The following RYR2 variants were observed in gnomAD, a reference collection of about 807,000 sequenced individuals.
The protein encoded by RYR2 is cardiac muscle ryanodine receptor-calcium release channel.
Under a neutral mutation model 601.1 loss-of-function variants are expected in RYR2, and 227 were observed. The ratio of observed to expected loss-of-function variants is 0.38; its 90% CI spans 0.34 to 0.42. The LOEUF is 0.42. RYR2 is among the 10% of genes least tolerant of loss of function. The probability of loss-of-function intolerance (pLI) is 1.00; values close to 1 mark genes in which losing one functional copy is unlikely to be tolerated. For missense variants in RYR2, 4,646 were observed against 6,156.5 expected, an observed-to-expected ratio of 0.75 and a Z score of 8.21; for synonymous variants, 2,223 against 2,175.1, an observed-to-expected ratio of 1.02 and a Z score of -0.61.
chr1:237,591,710 C>T (rs763231828), intron 31 of RYR2, 29 bp from the exon 32 acceptor site: 12 of 1,537,850 alleles, frequency 7.8e-6, no homozygotes, highest in Admixed American at 1.7e-5. Flanking sequence ...TTTAATGTTG[C>T]TTATTGTTAG....
chr1:237,693,656 T>C (rs753675276), intron 63 of RYR2, among the ~76,000 whole-genome samples: 41 of 152,236 alleles, frequency 2.7e-4, no homozygotes, highest in Admixed American at 9.2e-4. Flanking sequence ...TATTATGTGT[T>C]TAACATGAAA....
At chr1:237,605,811 T>A (rs957611363) in intron 35 of RYR2, among the ~76,000 whole-genome samples, 12 of 152,158 alleles carry the variant, frequency 7.9e-5, no homozygotes, top group African/African-American at 2.9e-4. Flanking sequence ...TGAACTCCCA[T>A]TCACAATTGC....
intron 88 of RYR2, among the ~76,000 whole-genome samples, chr1:237,780,248 G>A (rs1161598578): frequency 2.6e-5 from 4 of 152,168 alleles, no homozygotes; most frequent in African/African-American, 4.8e-5. Flanking sequence ...AGTTATTGGT[G>A]ACTTCAGCCC....
rs149832529 is a variant in RYR2, at chr1:237,288,186, G to A, written c.168+17570G>A. On this transcript the variant is annotated intron_variant, in intron 2 of 104. Coordinates refer to ENST00000366574, the MANE Select transcript of RYR2 (RefSeq NM_001035.3). ...AACCTTCTATGAGTCTCTCAGCTGT[G>A]GATACAAGTGTCTGTCCTGGTGCAG... Among the ~76,000 whole-genome samples the A allele has an allele frequency of 5.1e-3, 782 of 152,316 alleles. 7 individuals carry two copies. Among genetic ancestry groups the A allele is most frequent in the African/African-American group, 0.018 (747 of 41,554 alleles).
chr1:237,599,199 T>C (rs1052479156), intron 34 of RYR2, among the ~76,000 whole-genome samples: 2 of 152,134 alleles, frequency 1.3e-5, no homozygotes, highest in East Asian at 1.9e-4. Context: ...AGCTTTTTTT[T>C]CTAAGGTCTG....
chr1:237,052,531 G>T (rs1246375764), intron 1 of RYR2, among the ~76,000 whole-genome samples: 1 of 152,166 alleles, frequency 6.6e-6, no homozygotes, highest in Non-Finnish European at 1.5e-5. Flanking sequence ...AATCTCTTTT[G>T]TAGCGTTTCA....
In RYR2 at chr1:237,826,307, G is replaced by A. The variant is rs117911384; in HGVS notation, c.14591-2074G>A. 4.4e-3 allele frequency among the ~76,000 whole-genome samples: 666 copies of A among 152,166 alleles called. 8 individuals are homozygous for A. In the East Asian group the frequency reaches 0.055, roughly 13 times the overall value. On this transcript the variant is annotated intron_variant, in intron 101 of 104. Transcript: ENST00000366574. Reference sequence around the variant, plus strand: ...TAGACTAGATTTTAAAAAGTGCCACGTATGTACCATGGAATACTATGCAGC... The same window carrying A: ...TAGACTAGATTTTAAAAAGTGCCACATATGTACCATGGAATACTATGCAGC...
intron 11 of RYR2, among the ~76,000 whole-genome samples, chr1:237,418,810 T>C (rs1705268437): frequency 1.3e-5 from 2 of 152,046 alleles, no homozygotes; most frequent in African/African-American, 4.8e-5. Context: ...TAATAACTAA[T>C]TGAAAACATT....
chr1:237,172,677 G>A (rs1333600304), intron 1 of RYR2, among the ~76,000 whole-genome samples: 4 of 152,188 alleles, frequency 2.6e-5, no homozygotes, highest in African/African-American at 9.7e-5. Context: ...GGCAAAACCG[G>A]AGTTTTATTG....
At chr1:237,481,650 T>C (rs1345753287) in intron 17 of RYR2, among the ~76,000 whole-genome samples, 2 of 152,104 alleles carry the variant, frequency 1.3e-5, no homozygotes, top group African/African-American at 4.8e-5. Context: ...ATGCAATGCG[T>C]AAGTTATCAC....
chr1:237,444,483 G>A (rs896998777), intron 13 of RYR2, among the ~76,000 whole-genome samples: 1 of 152,052 alleles, frequency 6.6e-6, no homozygotes, highest in Non-Finnish European at 1.5e-5. Flanking sequence ...ATTTAGTTCA[G>A]TACACCTGGG....
chr1:237,737,403 C>T (rs753069350), intron 79 of RYR2, among the ~76,000 whole-genome samples: 5 of 152,172 alleles, frequency 3.3e-5, no homozygotes, highest in South Asian at 2.1e-4. Flanking sequence ...TAATCAAACA[C>T]GGTATTCCAG....
At chr1:237,044,369 T>A (rs528064815) in intron 1 of RYR2, among the ~76,000 whole-genome samples, 1 of 152,278 alleles carries the variant, frequency 6.6e-6, no homozygotes, top group Non-Finnish European at 1.5e-5. Flanking sequence ...CCTGCGGGCT[T>A]AACTGTTAAG....
At chr1:237,361,028 A>G (rs7545768) in intron 4 of RYR2, among the ~76,000 whole-genome samples, 55,063 of 151,910 alleles carry the variant, frequency 0.36, 10,346 homozygotes, top group East Asian at 0.44. Context: ...TTTTGTAGAG[A>G]CAGTGTCTCA....
At chr1:237,791,943 T>C (rs1658424632) in intron 93 of RYR2, 162 bp from the exon 94 acceptor site, 1 of 619,660 alleles carries the variant, frequency 1.6e-6, no homozygotes, top group African/African-American at 1.8e-5. Context: ...TTGCCTTTGG[T>C]TTTTGAAAAG....
chr1:237,770,987 A>G, intron 85 of RYR2, 100 bp downstream of exon 85: 2 of 633,808 alleles, frequency 3.2e-6, no homozygotes, highest in East Asian at 3.0e-5. Context: ...GCATCGTTCT[A>G]GAGACAACAA....
Position 237,517,554 on chromosome 1 carries a change from G to A in RYR2, c.2822+5763G>A, listed in dbSNP as rs1489339221. 2.6e-5 allele frequency among the ~76,000 whole-genome samples: 4 copies of A among 151,970 alleles called. No homozygotes were observed. The East Asian group carries it at 7.7e-4, about 29-fold the overall frequency. Reference sequence around the variant, plus strand: ...AGGAAAGTTTATGAATTTGTGTTGGGCCACATTCAAAGCCATCCTGGGCTG... The same window carrying A: ...AGGAAAGTTTATGAATTTGTGTTGGACCACATTCAAAGCCATCCTGGGCTG... On this transcript the variant is annotated intron_variant, in intron 24 of 104. Transcript: ENST00000366574.
At chr1:237,208,694 T>C (rs1432605179) in intron 1 of RYR2, among the ~76,000 whole-genome samples, 1 of 151,878 alleles carries the variant, frequency 6.6e-6, no homozygotes, top group Non-Finnish European at 1.5e-5. Context: ...CTCACAGAGT[T>C]ACCTTTTTTC....
At position 237,661,174 on chromosome 1, in the gene RYR2, T is replaced by C. The variant is rs559344; in HGVS notation, c.8436+227T>C. On this transcript the variant is annotated intron_variant, in intron 56 of 104. Transcript: ENST00000366574. Reference sequence around the variant, plus strand: ...TACAAGCCTTCCTTTTCCTGGCTAGTATAGAAGAAGTAACCAGTTGTAGGA... The same window carrying C: ...TACAAGCCTTCCTTTTCCTGGCTAGCATAGAAGAAGTAACCAGTTGTAGGA... Among the ~76,000 whole-genome samples the C allele has an allele frequency of 0.15, 22,693 of 152,030 alleles. 2,350 individuals are homozygous for C. Among genetic ancestry groups the C allele is most frequent in the East Asian group, 0.42 (2,184 of 5,158 alleles).
Sources: allele counts gnomAD v4.1 joint callset (sites outside exome capture counted in the v4.1 genomes callset), GRCh38; gene constraint gnomAD v4.1.1; transcripts MANE v1.5; gene names NCBI Gene and HGNC (gene_info 2026-07-23, HGNC 2026-07-21).